The following PRELID2 variants were observed in gnomAD, a reference collection of about 807,000 sequenced individuals.
The protein encoded by PRELID2 is PRELI domain containing 2.
Under a neutral mutation model 28.4 loss-of-function variants are expected in PRELID2, and 25 were observed. The ratio of observed to expected loss-of-function variants is 0.88; its 90% CI spans 0.64 to 1.23. The LOEUF (loss-of-function observed/expected upper bound fraction) is 1.23. PRELID2 is among the 50% of genes most tolerant of loss of function. PRELID2 has a pLI of 0.00. For missense variants in PRELID2, 201 were observed against 214.4 expected, an observed-to-expected ratio of 0.94 and a Z score of 0.39; for synonymous variants, 76 against 71.6, an observed-to-expected ratio of 1.06 and a Z score of -0.31.
chr5:145,822,197 T>C (rs778118237), intron 2 of PRELID2, among the ~76,000 whole-genome samples: 4 of 152,172 alleles, frequency 2.6e-5, no homozygotes, highest in Non-Finnish European at 5.9e-5. Context: ...ACTATGTGCA[T>C]TGTCACAGCT....
intron 1 of PRELID2, among the ~76,000 whole-genome samples, chr5:145,502,297 C>T (rs997584792): frequency 4.6e-5 from 7 of 151,990 alleles, no homozygotes; most frequent in Non-Finnish European, 8.8e-5. Context: ...TAACTCACTC[C>T]CTATCATGAG....
intron 1 of PRELID2, among the ~76,000 whole-genome samples, chr5:145,698,575 A>T (rs1357762667): frequency 6.6e-6 from 1 of 152,232 alleles, no homozygotes; most frequent in Non-Finnish European, 1.5e-5. Context: ...TTCCTGGCTC[A>T]TAGAACAGTG....
chr5:145,259,180 C>T, the PRELID2 span, among the ~76,000 whole-genome samples: 12,519 of 152,182 alleles, frequency 0.082, 1,096 homozygotes, highest in African/African-American at 0.23. Flanking sequence ...AGGCAGAAGC[C>T]TGCTGCAGGA....
chr5:145,737,624 T>C (rs1756534020), intron 1 of PRELID2, among the ~76,000 whole-genome samples: 1 of 152,122 alleles, frequency 6.6e-6, no homozygotes, highest in African/African-American at 2.4e-5. Context: ...GGATGGTCTC[T>C]CCAGGCAAAA....
In PRELID2 at chr5:145,821,249, TTC is replaced by T. The variant is rs534560451; in HGVS notation, c.134-1233_134-1232del. ...TGTGTGTATGTGTGTGTAAGCCCTC[TTC>T]TGTGTGTATGTGTGTGTAAGCCCTC... is the stretch of plus-strand genomic sequence containing the variant. On this transcript the variant is annotated intron_variant, in intron 2 of 6. Coordinates refer to ENST00000683046, the MANE Select transcript of PRELID2 (RefSeq NM_205846.3). Among the ~76,000 whole-genome samples, 568 of 144,832 alleles carry T rather than the reference TTC, an allele frequency of 3.9e-3. 1 individual carries two copies. Among genetic ancestry groups the T allele is most frequent in the Non-Finnish European group, 5.5e-3 (362 of 66,246 alleles).
chr5:145,350,799 T>A, the PRELID2 span, among the ~76,000 whole-genome samples: 5 of 152,112 alleles, frequency 3.3e-5, no homozygotes, highest in Admixed American at 6.6e-5. Context: ...AAAATTTGAA[T>A]ATGTGGCAGC....
intron 1 of PRELID2, among the ~76,000 whole-genome samples, chr5:145,833,733 G>A (rs1444494137): frequency 6.6e-6 from 1 of 152,144 alleles, no homozygotes; most frequent in Non-Finnish European, 1.5e-5. Flanking sequence ...TTTAACAAAT[G>A]ACCTTCATCT....
intron 2 of PRELID2, 97 bp from the exon 3 acceptor site, chr5:145,820,115 T>C: frequency 3.4e-6 from 2 of 580,818 alleles, no homozygotes; most frequent in Non-Finnish European, 5.6e-6. Flanking sequence ...TTTTGTTTTT[T>C]GTTTTTTGTT....
At chr5:145,305,061 G>T in the PRELID2 span, among the ~76,000 whole-genome samples, 1 of 152,124 alleles carries the variant, frequency 6.6e-6, no homozygotes, top group African/African-American at 2.4e-5. Flanking sequence ...CAGATTGAAT[G>T]CATACAACTA....
chr5:145,763,380 C>T (rs1581154954), intron 6 of PRELID2, among the ~76,000 whole-genome samples: 1 of 152,180 alleles, frequency 6.6e-6, no homozygotes, highest in African/African-American at 2.4e-5. Flanking sequence ...CATTTATGAG[C>T]ACCTGCTATG....
At chr5:145,533,453 T>A (rs1752672381) in intron 1 of PRELID2, among the ~76,000 whole-genome samples, 1 of 152,100 alleles carries the variant, frequency 6.6e-6, no homozygotes. Flanking sequence ...GTATTCTGAA[T>A]ACTAAAAATC....
chr5:145,739,793 T>A (rs1756600628), intron 1 of PRELID2, among the ~76,000 whole-genome samples: 1 of 151,992 alleles, frequency 6.6e-6, no homozygotes, highest in African/African-American at 2.4e-5. Flanking sequence ...GTTATGTATA[T>A]ATAATGTAAT....
the PRELID2 span, among the ~76,000 whole-genome samples, chr5:145,401,954 A>G: frequency 2.6e-5 from 4 of 152,128 alleles, no homozygotes; most frequent in African/African-American, 9.7e-5. Context: ...GTCTTTCCTA[A>G]CATCACCCAC....
chr5:145,291,730 CT>C, the PRELID2 span, among the ~76,000 whole-genome samples: 1 of 152,126 alleles, frequency 6.6e-6, no homozygotes, highest in Non-Finnish European at 1.5e-5. Context: ...TTTTCTCCTG[CT>C]TTTCCCTAGA....
At chr5:145,715,127 T>C (rs1354171082) in intron 1 of PRELID2, among the ~76,000 whole-genome samples, 1 of 152,162 alleles carries the variant, frequency 6.6e-6, no homozygotes, top group African/African-American at 2.4e-5. Flanking sequence ...GTCATTTCTG[T>C]TTGTACTTCT....
chr5:145,735,115 G>T (rs971989206), intron 1 of PRELID2, among the ~76,000 whole-genome samples: 2 of 151,986 alleles, frequency 1.3e-5, no homozygotes, highest in South Asian at 4.2e-4. Flanking sequence ...CATGGTGGCG[G>T]GCACCTGTAA....
At chr5:145,447,678 G>A in the PRELID2 span, among the ~76,000 whole-genome samples, 4 of 112,410 alleles carry the variant, frequency 3.6e-5, no homozygotes, top group Non-Finnish European at 3.6e-5. Flanking sequence ...GTGTCCATGT[G>A]ATCTCATTGT....
chr5:145,435,404 G>A, the PRELID2 span, among the ~76,000 whole-genome samples: 1 of 152,190 alleles, frequency 6.6e-6, no homozygotes, highest in South Asian at 2.1e-4. Context: ...CAAGTTTGAT[G>A]TCTTGAGGAA....
intron 4 of PRELID2, among the ~76,000 whole-genome samples, chr5:145,803,764 G>A (rs566068590): frequency 7.5e-5 from 11 of 146,482 alleles, no homozygotes; most frequent in East Asian, 4.0e-4. Context: ...CACAGTGGCT[G>A]AGAAGTCAAA....
Sources: gnomAD v4.1 joint callset for allele counts (sites outside exome capture counted in the v4.1 genomes callset) on GRCh38, gnomAD v4.1.1 for gene constraint, MANE v1.5 for transcripts, NCBI Gene and HGNC (gene_info 2026-07-23, HGNC 2026-07-21) for gene names.